The following ASB4 variants were observed in gnomAD, a reference collection of about 807,000 sequenced individuals.
The protein encoded by ASB4 is ankyrin repeat and SOCS box protein 4.
Under a neutral mutation model 38.6 loss-of-function variants are expected in ASB4, and 35 were observed. That is an observed-to-expected ratio of 0.91 (90% CI 0.69 to 1.20). The LOEUF is 1.20. Ranked by LOEUF, ASB4 falls within the 50% of genes most tolerant of loss-of-function variation. ASB4 has a pLI of 0.00. For missense variants in ASB4, 557 were observed against 527.2 expected (o/e 1.06, Z -0.55); for synonymous variants, 195 against 201.3 (o/e 0.97, Z 0.26).
At chr7:95,493,029 G>A (rs377521071) in intron 1 of ASB4, among the ~76,000 whole-genome samples, 3 of 152,002 alleles carry the variant, frequency 2.0e-5, no homozygotes, top group South Asian at 2.1e-4. Flanking sequence ...ACATACACAC[G>A]AGGCGTGGAG....
chr7:95,535,294 C>T (rs979325734), intron 3 of ASB4, among the ~76,000 whole-genome samples: 3 of 152,098 alleles, frequency 2.0e-5, no homozygotes, highest in Non-Finnish European at 4.4e-5. Flanking sequence ...GAGGTTGATA[C>T]GGTCTGGGAA....
At chr7:95,549,052 C>A in the ASB4 span, among the ~76,000 whole-genome samples, 1 of 152,034 alleles carries the variant, frequency 6.6e-6, no homozygotes, top group Non-Finnish European at 1.5e-5. Context: ...ATTATGCTAT[C>A]CTGTTTCTTA....
At chr7:95,541,434 A>G (rs1584101006), downstream of ASB4, among the ~76,000 whole-genome samples, 1 of 152,234 alleles carries the variant, frequency 6.6e-6, no homozygotes, top group African/African-American at 2.4e-5. Flanking sequence ...GTGAATCTGT[A>G]GCTGCAGGTG....
At chr7:95,516,118 A>G (rs1412866266) in intron 2 of ASB4, among the ~76,000 whole-genome samples, 1 of 152,172 alleles carries the variant, frequency 6.6e-6, no homozygotes, top group Non-Finnish European at 1.5e-5. Context: ...CCAAACTTGT[A>G]TCTTCTAAAA....
Position 95,527,894 on chromosome 7 carries a change from T to C in ASB4, c.569T>C (p.Leu190Pro), listed in dbSNP as rs1790761533. The C allele has an allele frequency of 1.2e-6, 2 of 1,613,924 alleles. No homozygotes were observed. The highest frequency in any genetic ancestry group is 2.7e-5 in the African/African-American group (2 of 74,940). Residue 190 changes from leucine (L) to proline (P), a missense_variant, in exon 3 of 5, where the codon CTG (leucine) becomes CCG (proline). Coordinates refer to ENST00000325885, the MANE Select transcript of ASB4 (RefSeq NM_016116.3). The part of the protein sequence containing the change: ...HTAAHFGLSE[L>P]VAFYVEHGAI... ...GCTGCCCACTTCGGCCTTTCGGAGC[T>C]GGTGGCCTTCTACGTGGAACACGGG...
upstream of ASB4, among the ~76,000 whole-genome samples, chr7:95,483,068 G>A (rs555449411): frequency 1.1e-4 from 17 of 152,292 alleles, no homozygotes; most frequent in East Asian, 9.7e-4. Flanking sequence ...GGGCTGCAGC[G>A]TTTGAGAACA....
At chr7:95,525,950 T>C (rs1173253644) in intron 2 of ASB4, among the ~76,000 whole-genome samples, 1 of 152,220 alleles carries the variant, frequency 6.6e-6, no homozygotes, top group Non-Finnish European at 1.5e-5. Flanking sequence ...TGTAGGAGTT[T>C]TGGCTTTCTC....
the ASB4 span, among the ~76,000 whole-genome samples, chr7:95,470,756 T>C: frequency 4.6e-5 from 7 of 152,284 alleles, no homozygotes; most frequent in East Asian, 5.8e-4. Flanking sequence ...GGTTTCATAA[T>C]AGGACTTTTC....
At chr7:95,547,766 G>A in the ASB4 span, among the ~76,000 whole-genome samples, 4 of 152,260 alleles carry the variant, frequency 2.6e-5, no homozygotes, top group African/African-American at 4.8e-5. Flanking sequence ...CATCCCATCG[G>A]TTGAATGCCT....
intron 1 of ASB4, among the ~76,000 whole-genome samples, chr7:95,478,925 G>C (rs916591397): frequency 2.0e-5 from 3 of 152,150 alleles, no homozygotes; most frequent in African/African-American, 7.2e-5. Flanking sequence ...AGTTCTTCCA[G>C]CGCCCCCAAC....
At chr7:95,498,687 AT>A (rs1324499619) in intron 2 of ASB4, among the ~76,000 whole-genome samples, 1 of 152,208 alleles carries the variant, frequency 6.6e-6, no homozygotes, top group Non-Finnish European at 1.5e-5. Flanking sequence ...GAGAAGAAGT[AT>A]TTAGTTCTGA....
chr7:95,497,307 C>A (rs2116592588), intron 2 of ASB4, among the ~76,000 whole-genome samples: 1 of 152,280 alleles, frequency 6.6e-6, no homozygotes, highest in South Asian at 2.1e-4. Flanking sequence ...AAGATGGTGG[C>A]TTGCACCAGG....
chr7:95,479,021 G>T (rs1790001401), intron 1 of ASB4, among the ~76,000 whole-genome samples: 1 of 152,162 alleles, frequency 6.6e-6, no homozygotes, highest in African/African-American at 2.4e-5. Flanking sequence ...AAAAATCTCA[G>T]CAAGGTCTTC....
chr7:95,527,837 A>G lies in ASB4; in HGVS notation c.512A>G (p.Asn171Ser). The change falls in exon 3 of 5, where the codon AAC (asparagine) becomes AGC (serine). Residue 171 changes from asparagine to serine, a missense_variant. Transcript: ENST00000325885. ...GGGGCGAATGTGAACATGAAGACCA[A>G]CAACCAAGATGAGGAGACGCCCTTG... is the stretch of plus-strand genomic sequence containing the variant. ...WRGANVNMKT[N>S]NQDEETPLHT... 2 of 1,604,068 alleles carry G rather than the reference A, an allele frequency of 1.2e-6. No individual in the cohort carries two copies. Among genetic ancestry groups the G allele is most frequent in the Non-Finnish European group, 1.7e-6 (2 of 1,172,082 alleles).
At chr7:95,551,272 C>T in the ASB4 span, among the ~76,000 whole-genome samples, 8 of 152,292 alleles carry the variant, frequency 5.3e-5, no homozygotes, top group East Asian at 5.8e-4. Context: ...TGAGCCACTG[C>T]GCCTGACCAG....
At position 95,495,799 on chromosome 7, in the gene ASB4, A is replaced by T; in HGVS notation, c.229A>T (p.Thr77Ser). ...CTATAAATTGAAGTCTTCCTGGGCC[A>T]CAGGCCTCCATCTCTCTGTCTTGTT... is the stretch of plus-strand genomic sequence containing the variant. The part of the protein sequence containing the change: ...PSYKLKSSWA[T>S]GLHLSVLFGH... The change falls in exon 2 of 5, where the codon ACA (threonine) becomes TCA (serine). Residue 77 changes from threonine (T) to serine (S), a missense_variant. Thr to Ser is a moderately conservative substitution (Grantham distance 58). Coordinates refer to ENST00000325885, the MANE Select transcript of ASB4 (RefSeq NM_016116.3). 1 of 1,610,550 alleles carries T rather than the reference A, an allele frequency of 6.2e-7. No individual in the cohort carries two copies. Among genetic ancestry groups the T allele is most frequent in the Non-Finnish European group, 8.5e-7 (1 of 1,179,220 alleles).
At chr7:95,533,625 T>TC (rs1437414586) in intron 3 of ASB4, among the ~76,000 whole-genome samples, 4 of 152,180 alleles carry the variant, frequency 2.6e-5, no homozygotes, top group African/African-American at 9.7e-5. Flanking sequence ...CTCTGACATG[T>TC]CTGGTGTTTT....
At chr7:95,541,305 A>C (rs1790966527), downstream of ASB4, among the ~76,000 whole-genome samples, 1 of 152,218 alleles carries the variant, frequency 6.6e-6, no homozygotes, top group South Asian at 2.1e-4. Flanking sequence ...AACAGATTAA[A>C]ACATGTAGAG....
rs1209803438 is a variant in ASB4 at position 95,528,312 on chromosome 7, C to A, written c.978+9C>A. 6.2e-7 allele frequency: 1 copy of A among 1,614,082 alleles called. No homozygotes were observed. Among genetic ancestry groups the A allele is most frequent in the East Asian group, 2.2e-5 (1 of 44,854 alleles). On this transcript the variant is annotated intron_variant, in intron 3 of 4. Transcript: ENST00000325885. ...CTCCACAGTTCCATAAGGTGAGGCTCTGCCCAGTGGTCAGCAGGTTGAGGA... is the reference window on the plus strand; with the variant it reads ...CTCCACAGTTCCATAAGGTGAGGCTATGCCCAGTGGTCAGCAGGTTGAGGA...
Sources: allele counts gnomAD v4.1 joint callset (sites outside exome capture counted in the v4.1 genomes callset), GRCh38; gene constraint gnomAD v4.1.1; transcripts MANE v1.5; gene names NCBI Gene and HGNC (gene_info 2026-07-23, HGNC 2026-07-21).